The following DLX1 variants were observed in gnomAD, a reference collection of about 807,000 sequenced individuals.
DLX1 encodes distal-less homeobox 1, also known as homeobox protein DLX-1.
In DLX1, 7 loss-of-function variants were observed where a neutral mutation model predicts 25.0. The ratio of observed to expected loss-of-function variants is 0.28; its 90% confidence interval spans 0.16 to 0.52. The LOEUF (loss-of-function observed/expected upper bound fraction) is 0.52. Ranked by LOEUF, DLX1 falls within the 20% of genes least tolerant of loss-of-function variation. DLX1 has a pLI of 0.96. For missense variants in DLX1, 233 were observed against 334.4 expected, an observed-to-expected ratio of 0.70 and a Z score of 2.37; for synonymous variants, 155 against 140.3, an observed-to-expected ratio of 1.10 and a Z score of -0.74.
At chr2:172,087,544 G>C (rs1354225954) in intron 2 of DLX1, 1 of 461,398 alleles carries the variant, frequency 2.2e-6, no homozygotes, top group African/African-American at 2.0e-5. Flanking sequence ...CCAACTCAAG[G>C]GCAGAAAAGA....
At chr2:172,087,271 C>T (rs751346592) in intron 2 of DLX1, 12 of 384,834 alleles carry the variant, frequency 3.1e-5, no homozygotes, top group Admixed American at 9.9e-5. Flanking sequence ...TCCTTCTTAC[C>T]GGTTGGGGGT....
chr2:172,088,023 C>A lies in DLX1; in HGVS notation c.534C>A (p.Asn178Lys). 1 of 1,515,842 alleles carries A rather than the reference C, an allele frequency of 6.6e-7. No individual in the cohort carries two copies. The allele number at this position is 1,515,842 out of a possible 1,614,324, so 93.9% of individuals were successfully genotyped here. ...TQTQVKIWFQNKRSKFKKLMK... is the reference protein window; with the variant it reads ...TQTQVKIWFQKKRSKFKKLMK... ...TGCAGGTCAAGATCTGGTTCCAAAA[C>A]AAGCGATCCAAGTTCAAGAAGCTGA... The change falls in exon 3 of 3, where the codon AAC (asparagine) becomes AAA (lysine). Residue 178 changes from asparagine to lysine, a missense_variant. Around this residue, in one of 3 missense-constraint regions of DLX1, gnomAD observed 23 missense variants for 82.2 expected, o/e 0.28. Transcript: ENST00000361725.
At chr2:172,086,473 T>C (rs1690840858) in intron 1 of DLX1, 181 bp from the exon 2 acceptor site, 1 of 607,164 alleles carries the variant, frequency 1.6e-6, no homozygotes, top group African/African-American at 1.9e-5. Flanking sequence ...CTATCCCTCC[T>C]GCAGCGTCCC....
At position 172,085,909 on chromosome 2, in the gene DLX1, C is replaced by T; in HGVS notation, c.232C>T (p.His78Tyr). ...CCCCTACGTCAACTCGGTCAGCAGC[C>T]ACGCATCCAGCCCCTACATCAGTTC... ...GYPYVNSVSS[H>Y]ASSPYISSVQ... The change falls in exon 1 of 3, where the codon CAC (histidine) becomes TAC (tyrosine). Residue 78 changes from histidine (H) to tyrosine (Y), a missense_variant. By Grantham distance (83) the His-to-Tyr change is moderately conservative. Transcript: ENST00000361725. This position sits in a 1 kb window ranked among gnomAD's most constrained non-coding sequence, Gnocchi z 4.3. 6.2e-7 allele frequency: 1 copy of T among 1,614,184 alleles called. No individual in the cohort carries two copies.
chr2:172,088,756 G>A lies in DLX1; in HGVS notation c.*499G>A, dbSNP rs1690914616. The A allele has an allele frequency of 6.5e-6, 1 of 152,916 alleles. No homozygotes were observed. The highest frequency in any genetic ancestry group is 1.5e-5 in the Non-Finnish European group (1 of 68,262). 9.5% of individuals were successfully genotyped at this position (152,916 alleles called of 1,614,324 possible). Reference sequence around the variant, plus strand: ...GGTCTGAGCGGCCCGGGTCCTGCCGGGCTGACCATCTCCGGATCCTGGGAC... The same window carrying A: ...GGTCTGAGCGGCCCGGGTCCTGCCGAGCTGACCATCTCCGGATCCTGGGAC... On this transcript the variant is annotated 3_prime_UTR_variant, in exon 3 of 3. Coordinates refer to ENST00000361725, the MANE Select transcript of DLX1 (RefSeq NM_178120.5).
At chr2:172,086,065 G>A (rs1690832970) in intron 1 of DLX1, 75 bp downstream of exon 1, 4 of 1,296,688 alleles carry the variant, frequency 3.1e-6, no homozygotes, top group African/African-American at 1.5e-5. Context: ...GGGGAGAAGA[G>A]GAGAGGGAGA....
At chr2:172,086,014 G>A in intron 1 of DLX1, 24 bp downstream of exon 1, 2 of 1,595,412 alleles carry the variant, frequency 1.3e-6, no homozygotes, top group African/African-American at 1.3e-5. Context: ...CCAGGGAGAG[G>A]GAGAGGAGGA....
intron 2 of DLX1, chr2:172,087,280 G>A (rs1472984270): frequency 2.6e-6 from 1 of 380,262 alleles, no homozygotes; most frequent in Non-Finnish European, 5.1e-6. Context: ...CCGGTTGGGG[G>A]TGGGGGGAGA....
intron 1 of DLX1, chr2:172,086,198 CCCT>C (rs1690836366): frequency 3.3e-6 from 2 of 601,126 alleles, no homozygotes; most frequent in East Asian, 5.7e-5. Context: ...TTTAAAAATT[CCCT>C]CAATTTGCAA....
Position 172,086,799 on chromosome 2 carries a change from A to C in DLX1, c.459A>C (p.Leu153=). Residue 153 remains leucine (L), a synonymous_variant, in exon 2 of 3, where the codon CTA becomes CTC. Transcript: ENST00000361725. ...LNRRFQQTQY[L]ALPERAELAA... is the part of the protein sequence containing the mutation. ...GGAGGTTCCAGCAAACTCAGTACCTAGCTCTGCCGGAGAGGGCGGAGCTCG... is the reference window on the plus strand; with the variant it reads ...GGAGGTTCCAGCAAACTCAGTACCTCGCTCTGCCGGAGAGGGCGGAGCTCG... The C allele has an allele frequency of 6.2e-7, 1 of 1,614,254 alleles. No individual in the cohort carries two copies. The highest frequency in any genetic ancestry group is 1.1e-5 in the South Asian group (1 of 91,088).
In DLX1 at chr2:172,088,323, C is replaced by T. The variant is rs1690903702; in HGVS notation, c.*66C>T. Reference sequence around the variant, plus strand: ...CCCTCCCGCCTCCAGGTCCATCCATCCCGTCCGGAAAAGAAGGACCCAGAG... The same window carrying T: ...CCCTCCCGCCTCCAGGTCCATCCATTCCGTCCGGAAAAGAAGGACCCAGAG... On this transcript the variant is annotated 3_prime_UTR_variant, in exon 3 of 3. Transcript: ENST00000361725. 2 of 1,408,188 alleles carry T rather than the reference C, an allele frequency of 1.4e-6. No homozygotes were observed. Among genetic ancestry groups the T allele is most frequent in the East Asian group, 2.7e-5 (1 of 36,474 alleles). The allele number at this position is 1,408,188 out of a possible 1,614,324, so 87.2% of individuals were successfully genotyped here.
chr2:172,087,076 T>C (rs370724962), intron 2 of DLX1: 1 of 712,522 alleles, frequency 1.4e-6, no homozygotes, highest in South Asian at 1.5e-5. Flanking sequence ...TCCGGCCCTC[T>C]GTCCCTGGAC....
chr2:172,086,163 A>G, intron 1 of DLX1, 173 bp downstream of exon 1: 1 of 635,716 alleles, frequency 1.6e-6, no homozygotes, highest in Non-Finnish European at 2.6e-6. Context: ...CAATCTATAG[A>G]TCCTTGTCAC....
chr2:172,085,685 T>C lies in DLX1; in HGVS notation c.8T>C (p.Met3Thr). ...CAGACCCCGCGAGAAGAGATGACCATGACCACCATGCCAGAAAGTCTCAAC... is the reference window on the plus strand; with the variant it reads ...CAGACCCCGCGAGAAGAGATGACCACGACCACCATGCCAGAAAGTCTCAAC... MT[M>T]TTMPESLNSP... The change falls in exon 1 of 3, where the codon ATG becomes ACG. Residue 3 changes from methionine to threonine, a missense_variant. This residue lies in a region of DLX1 where 126 missense variants were observed against 170.4 expected (regional missense o/e 0.74). Transcript: ENST00000361725. The surrounding 1 kb of genome is among the most constrained non-coding windows in gnomAD (Gnocchi z 4.3). The C allele has an allele frequency of 6.2e-7, 1 of 1,613,280 alleles. No individual in the cohort carries two copies. Among genetic ancestry groups the C allele is most frequent in the Non-Finnish European group, 8.5e-7 (1 of 1,179,584 alleles).
In DLX1 at chr2:172,086,945, G is replaced by A. The variant is rs779990305; in HGVS notation, c.513+92G>A. 4 of 1,315,374 alleles carry A rather than the reference G, an allele frequency of 3.0e-6. No homozygotes were observed. The South Asian group carries it at 3.5e-5, about 12-fold the overall frequency. The allele number at this position is 1,315,374 out of a possible 1,614,324, so 81.5% of individuals were successfully genotyped here. ...CATTTGTTGCTCGCTGGGACTCAGGGTCGGGGTGTCACTGTGTGTATGTGT... is the reference window on the plus strand; with the variant it reads ...CATTTGTTGCTCGCTGGGACTCAGGATCGGGGTGTCACTGTGTGTATGTGT... On this transcript the variant is annotated intron_variant, in intron 2 of 2. Coordinates refer to ENST00000361725, the MANE Select transcript of DLX1 (RefSeq NM_178120.5).
At chr2:172,087,449 G>A (rs1032730748) in intron 2 of DLX1, 1 of 453,198 alleles carries the variant, frequency 2.2e-6, no homozygotes, top group Admixed American at 2.4e-5. Flanking sequence ...GAGCAGAGCT[G>A]GAGAAAGCAA....
chr2:172,086,253 G>A (rs1425149220), intron 1 of DLX1: 15 of 540,774 alleles, frequency 2.8e-5, no homozygotes, highest in Non-Finnish European at 4.5e-5. Flanking sequence ...TCCTGGCACT[G>A]GCTGGGCCTC....
At chr2:172,086,296 C>A in intron 1 of DLX1, 1 of 475,004 alleles carries the variant, frequency 2.1e-6, no homozygotes, top group Non-Finnish European at 3.7e-6. Flanking sequence ...ACACAATGCC[C>A]CGCTGGAAAA....
intron 2 of DLX1, 102 bp from the exon 3 acceptor site, chr2:172,087,901 G>A: frequency 2.0e-6 from 3 of 1,464,176 alleles, no homozygotes; most frequent in Admixed American, 2.3e-5. Context: ...CGCAGGGTTG[G>A]GAGGTCCTAT....
Sources: gnomAD v4.1 joint callset for allele counts on GRCh38, gnomAD v4.1.1 for gene constraint, gnomAD v4.1.1 regional missense constraint, Gnocchi (gnomAD v3.1) non-coding constraint, MANE v1.5 for transcripts, NCBI Gene and HGNC (gene_info 2026-07-23, HGNC 2026-07-21) for gene names.